Variants in STX3 observed in about 807,000 individuals in gnomAD.
STX3 encodes syntaxin 3, also known as syntaxin-3.
STX3 carries 19 observed loss-of-function variants against 40.2 expected under a neutral mutation model. That is an observed-to-expected ratio of 0.47 (90% confidence interval 0.33 to 0.69). The LOEUF (loss-of-function observed/expected upper bound fraction) is 0.69, where lower values mean the gene tolerates loss of function less well. STX3 is among the 30% of genes least tolerant of loss of function. The probability of loss-of-function intolerance (pLI) is 0.02; values close to 1 mark genes in which losing one functional copy is unlikely to be tolerated. For synonymous variants in STX3, 122 were observed against 132.2 expected (o/e 0.92, Z 0.53); for missense variants, 364 against 366.7 (o/e 0.99, Z 0.06).
chr11:59,792,034 G>T lies in STX3; in HGVS notation c.358-73G>T, dbSNP rs1865203232. The stretch of plus-strand genomic sequence containing the variant: ...GTCCAGTGCTATTGTAGATGGCTAT[G>T]TGGGGGTGGGGAGGGGTTCTATAAC... On this transcript the variant is annotated intron_variant, in intron 5 of 10. Coordinates refer to ENST00000337979, the MANE Select transcript of STX3 (RefSeq NM_004177.5). 1.0e-5 allele frequency: 12 copies of T among 1,189,058 alleles called. No individual in the cohort carries two copies. The South Asian group carries it at 1.5e-4, about 15-fold the overall frequency. The allele number at this position is 1,189,058 out of a possible 1,614,324, so 73.7% of individuals were successfully genotyped here.
intron 2 of STX3, chr11:59,781,380 C>T: frequency 3.8e-6 from 6 of 1,599,292 alleles, no homozygotes; most frequent in Non-Finnish European, 5.1e-6. Flanking sequence ...CACTAATTTC[C>T]CATCTTTCAA....
rs1865895097 is a variant in STX3, at chr11:59,801,734, A to G, written c.*910A>G. The G allele has an allele frequency of 4.1e-6, 4 of 985,736 alleles. No homozygotes were observed. In the African/African-American group the frequency reaches 7.0e-5, roughly 17 times the overall value. 61.1% of individuals were successfully genotyped at this position (985,736 alleles called of 1,614,324 possible). A position where few individuals can be genotyped will look rare whatever the true frequency, so the allele number is the denominator to read the frequency against. On this transcript the variant is annotated 3_prime_UTR_variant, in exon 11 of 11. Transcript: ENST00000337979. ...TGGTGTATTCACTCATGTGTTCCAGATGTATTCTAATTGTGTATGAAATGT... is the reference window on the plus strand; with the variant it reads ...TGGTGTATTCACTCATGTGTTCCAGGTGTATTCTAATTGTGTATGAAATGT...
Position 59,790,606 on chromosome 11 carries a change from C to T in STX3, c.357+20C>T, listed in dbSNP as rs751283779. 1 of 1,588,322 alleles carries T rather than the reference C, an allele frequency of 6.3e-7. No homozygotes were observed. Among genetic ancestry groups the T allele is most frequent in the East Asian group, 2.2e-5 (1 of 44,712 alleles). On this transcript the variant is annotated intron_variant, in intron 5 of 10. Coordinates refer to ENST00000337979, the MANE Select transcript of STX3 (RefSeq NM_004177.5). ...TCCCAGGTAAGACTTTTCCTGGTCT[C>T]ATGATTAGCTAGTCCAATCTCTTAT...
At chr11:59,795,902 G>A (rs144829943) in intron 9 of STX3, among the ~76,000 whole-genome samples, 2 of 152,040 alleles carry the variant, frequency 1.3e-5, no homozygotes, top group Non-Finnish European at 2.9e-5. Flanking sequence ...CATGGATCTG[G>A]CTCACAAGCT....
chr11:59,786,212 C>T (rs990385065), intron 2 of STX3, among the ~76,000 whole-genome samples: 3 of 150,970 alleles, frequency 2.0e-5, no homozygotes, highest in Non-Finnish European at 3.0e-5. Context: ...CTCTTTTTCT[C>T]TCCTTGTTTT....
intron 9 of STX3, 123 bp downstream of exon 9, chr11:59,795,605 T>A (rs1865469550): frequency 6.5e-7 from 1 of 1,542,112 alleles, no homozygotes; most frequent in Admixed American, 2.0e-5. Flanking sequence ...GGGAAAGGGA[T>A]CCATGATTGA....
intron 1 of STX3, 91 bp from the exon 2 acceptor site, chr11:59,773,120 T>C (rs1189849188): frequency 1.6e-6 from 2 of 1,239,692 alleles, no homozygotes; most frequent in Middle Eastern, 1.9e-4. Context: ...TGTAAAATGC[T>C]GAATATAGTT....
At chr11:59,768,244 A>T (rs1177625132) in intron 1 of STX3, among the ~76,000 whole-genome samples, 1 of 152,168 alleles carries the variant, frequency 6.6e-6, no homozygotes, top group Non-Finnish European at 1.5e-5. Context: ...AGGCAGATTC[A>T]GTCAGTTGAT....
intron 10 of STX3, chr11:59,800,607 G>A: frequency 1.0e-6 from 1 of 985,374 alleles, no homozygotes; most frequent in African/African-American, 1.7e-5. Context: ...TCCTTCCATG[G>A]GTGTGGACAG....
intron 1 of STX3, among the ~76,000 whole-genome samples, chr11:59,767,427 T>C (rs1399064178): frequency 6.6e-6 from 1 of 152,232 alleles, no homozygotes; most frequent in East Asian, 1.9e-4. Flanking sequence ...TCTTCTTGGC[T>C]AAGCTCAGTC....
At chr11:59,800,519 A>C (rs1202821109) in intron 10 of STX3, 1 of 985,302 alleles carries the variant, frequency 1.0e-6, no homozygotes, top group Non-Finnish European at 1.2e-6. Flanking sequence ...CAGCTCCTGC[A>C]GCCTGTCTTC....
At chr11:59,761,351 C>T (rs1413384845) in intron 1 of STX3, among the ~76,000 whole-genome samples, 4 of 152,184 alleles carry the variant, frequency 2.6e-5, no homozygotes, top group African/African-American at 4.8e-5. Flanking sequence ...TGCCTTTCCT[C>T]GGACCCCGCA....
At chr11:59,768,706 T>C (rs516912) in intron 1 of STX3, among the ~76,000 whole-genome samples, 24,361 of 152,068 alleles carry the variant, frequency 0.16, 3,680 homozygotes, top group African/African-American at 0.4. Context: ...AGGACTTTTA[T>C]ACAGTAAGTA....
Position 59,801,490 on chromosome 11 carries a change from A to G in STX3, c.*666A>G. 3 of 985,798 alleles carry G rather than the reference A, an allele frequency of 3.0e-6. No homozygotes were observed. Among genetic ancestry groups the G allele is most frequent in the Non-Finnish European group, 1.2e-6 (1 of 830,184 alleles). 61.1% of individuals were successfully genotyped at this position (985,798 alleles called of 1,614,324 possible). ...TGTTGTAGTCTCTCATATTTACTCA[A>G]GGAGGGACCAGGATGATACAGTCAT... On this transcript the variant is annotated 3_prime_UTR_variant, in exon 11 of 11. Transcript: ENST00000337979.
At chr11:59,769,823 T>C (rs908647134) in intron 1 of STX3, among the ~76,000 whole-genome samples, 27 of 148,640 alleles carry the variant, frequency 1.8e-4, no homozygotes, top group African/African-American at 7.0e-4. Context: ...TGTCTTATAG[T>C]GTACACGTGT....
Position 59,755,566 on chromosome 11 carries a change from C to G in STX3, c.-40C>G, listed in dbSNP as rs780706909. On this transcript the variant is annotated 5_prime_UTR_variant, in exon 1 of 11. Coordinates refer to ENST00000337979, the MANE Select transcript of STX3 (RefSeq NM_004177.5). ...AAGCGCTCACCTGGGACGCGCTCAC[C>G]TGGGACGCGCTACCTGCCTCCGGGC... is the stretch of plus-strand genomic sequence containing the variant. 5 of 1,591,298 alleles carry G rather than the reference C, an allele frequency of 3.1e-6. No individual in the cohort carries two copies. Among genetic ancestry groups the G allele is most frequent in the Non-Finnish European group, 4.3e-6 (5 of 1,175,920 alleles).
intron 2 of STX3, among the ~76,000 whole-genome samples, chr11:59,779,077 A>T (rs1275621325): frequency 1.3e-5 from 2 of 152,150 alleles, no homozygotes; most frequent in Admixed American, 1.3e-4. Context: ...ATCTCAGGTG[A>T]TCTGCCCGCC....
At chr11:59,774,269 T>G (rs528124278) in intron 2 of STX3, among the ~76,000 whole-genome samples, 14 of 152,072 alleles carry the variant, frequency 9.2e-5, no homozygotes, top group African/African-American at 3.1e-4. Context: ...AGCTGTTGAT[T>G]TCATGAACGT....
intron 2 of STX3, among the ~76,000 whole-genome samples, chr11:59,777,955 G>A (rs376070695): frequency 6.6e-6 from 1 of 152,288 alleles, no homozygotes; most frequent in Non-Finnish European, 1.5e-5. Flanking sequence ...ACTGTCTGGT[G>A]CCTTTACTGG....
Sources: gnomAD v4.1 joint callset for allele counts (sites outside exome capture counted in the v4.1 genomes callset) on GRCh38, gnomAD v4.1.1 for gene constraint, MANE v1.5 for transcripts, NCBI Gene and HGNC (gene_info 2026-07-23, HGNC 2026-07-21) for gene names.